The following AGMO variants were observed in gnomAD, a reference collection of about 807,000 sequenced individuals.
AGMO encodes glyceryl-ether monooxygenase.
A neutral mutation model predicts 60.2 loss-of-function variants in AGMO; 75 were observed. That is an observed-to-expected ratio of 1.25 (90% CI 1.03 to 1.51). The LOEUF (loss-of-function observed/expected upper bound fraction) is 1.51. Ranked by LOEUF, AGMO falls within the 40% of genes most tolerant of loss-of-function variation. The pLI, the probability that AGMO is intolerant of heterozygous loss-of-function variation, is 0.00. For missense variants in AGMO, 763 were observed against 525.5 expected, an observed-to-expected ratio of 1.45 and a Z score of -4.42; for synonymous variants, 261 against 177.1, an observed-to-expected ratio of 1.47 and a Z score of -3.76.
rs143371620 is a variant in AGMO, at chr7:15,561,754, T to C, written c.92A>G (p.Gln31Arg). ...ATAATCAGGCACCTCTTCTAATGTTTGGAATGAAGTTTCACTGGGTTTCAT... is the reference window on the plus strand; with the variant it reads ...ATAATCAGGCACCTCTTCTAATGTTCGGAATGAAGTTTCACTGGGTTTCAT... ...YTMKPSETSF[Q>R]TLEEVPDYVK... is the part of the protein sequence containing the mutation. The change falls in exon 1 of 13, where the codon CAA (glutamine) becomes CGA (arginine). Residue 31 changes from glutamine (Q) to arginine (R), a missense_variant. Gln to Arg is a conservative substitution (Grantham distance 43, BLOSUM62 1). Transcript: ENST00000342526. 2.6e-4 allele frequency: 424 copies of C among 1,612,010 alleles called. 1 individual carries two copies. The African/African-American group carries it at 5.2e-3, about 20-fold the overall frequency.
intron 12 of AGMO, among the ~76,000 whole-genome samples, chr7:15,291,341 C>A (rs1784257515): frequency 6.6e-6 from 1 of 152,074 alleles, no homozygotes; most frequent in African/African-American, 2.4e-5. Context: ...CGTTACGATT[C>A]TATAACAGAT....
chr7:15,521,947 C>G (rs1342935420), intron 3 of AGMO, among the ~76,000 whole-genome samples: 2 of 152,124 alleles, frequency 1.3e-5, no homozygotes, highest in Non-Finnish European at 2.9e-5. Flanking sequence ...ATTTAGAAAA[C>G]CCCATCATCT....
At chr7:15,252,061 T>A (rs534042015) in intron 12 of AGMO, among the ~76,000 whole-genome samples, 6 of 152,340 alleles carry the variant, frequency 3.9e-5, no homozygotes, top group African/African-American at 1.4e-4. Context: ...CATCTTTAGG[T>A]CTTTTCATGG....
chr7:15,157,094 T>C, the AGMO span, among the ~76,000 whole-genome samples: 1 of 152,174 alleles, frequency 6.6e-6, no homozygotes, highest in Non-Finnish European at 1.5e-5. Flanking sequence ...TGAATTGCGG[T>C]CTACTTTATT....
At chr7:15,361,127 G>A (rs773633891) in intron 12 of AGMO, among the ~76,000 whole-genome samples, 1 of 152,192 alleles carries the variant, frequency 6.6e-6, no homozygotes, top group African/African-American at 2.4e-5. Context: ...TAGAAGCAGC[G>A]TCTCTCCACA....
At chr7:15,133,099 T>G in the AGMO span, among the ~76,000 whole-genome samples, 1 of 152,188 alleles carries the variant, frequency 6.6e-6, no homozygotes, top group Non-Finnish European at 1.5e-5. Context: ...ACTTACTCCA[T>G]TTTATCTATA....
intron 12 of AGMO, among the ~76,000 whole-genome samples, chr7:15,341,610 T>C (rs1781850551): frequency 6.6e-6 from 1 of 152,204 alleles, no homozygotes; most frequent in Admixed American, 6.5e-5. Context: ...CCAAAGGTCC[T>C]TCCACATTTT....
At chr7:15,179,182 G>T in the AGMO span, among the ~76,000 whole-genome samples, 2 of 151,868 alleles carry the variant, frequency 1.3e-5, no homozygotes, top group African/African-American at 4.8e-5. Flanking sequence ...TCACAATAGG[G>T]GCCATAACAT....
chr7:15,546,987 C>T lies in AGMO; in HGVS notation c.258-2064G>A, dbSNP rs372591855. 2.6e-5 allele frequency among the ~76,000 whole-genome samples: 4 copies of T among 152,284 alleles called. No individual in the cohort carries two copies. In the East Asian group the frequency reaches 7.7e-4, roughly 29 times the overall value. On this transcript the variant is annotated intron_variant, in intron 2 of 12. Coordinates refer to ENST00000342526, the MANE Select transcript of AGMO (RefSeq NM_001004320.2). ...TAGTAAGGGTTACCCATATAAAATT[C>T]AAGTTTTAGGTTAAAAATGGCAAAT...
chr7:15,305,538 G>C (rs1443702813), intron 12 of AGMO, among the ~76,000 whole-genome samples: 1 of 151,906 alleles, frequency 6.6e-6, no homozygotes, highest in East Asian at 1.9e-4. Flanking sequence ...GTTACTTCCT[G>C]TGAGTCGAAT....
chr7:15,394,202 T>G, intron 5 of AGMO, 23 bp from the exon 6 acceptor site: 1 of 1,492,276 alleles, frequency 6.7e-7, no homozygotes, highest in East Asian at 2.3e-5. Context: ...GAAGGAATAT[T>G]TATACATGTA....
intron 12 of AGMO, among the ~76,000 whole-genome samples, chr7:15,205,290 G>GT (rs1371710785): frequency 1.3e-5 from 2 of 152,084 alleles, no homozygotes; most frequent in Non-Finnish European, 2.9e-5. Flanking sequence ...AGCCTTTGTG[G>GT]TAGTGATGAA....
chr7:15,195,648 ACTG>A (rs1274779926), downstream of AGMO, among the ~76,000 whole-genome samples: 2 of 152,196 alleles, frequency 1.3e-5, no homozygotes, highest in African/African-American at 4.8e-5. Context: ...TATTGGCACA[ACTG>A]CTGGCATTTA....
intron 12 of AGMO, among the ~76,000 whole-genome samples, chr7:15,304,426 C>G (rs1281629178): frequency 1.3e-5 from 2 of 151,970 alleles, no homozygotes; most frequent in Non-Finnish European, 2.9e-5. Flanking sequence ...TGGGTACAAT[C>G]TCAAATCTGT....
At chr7:15,198,073 T>C (rs1781164825), downstream of AGMO, among the ~76,000 whole-genome samples, 1 of 152,178 alleles carries the variant, frequency 6.6e-6, no homozygotes, top group Non-Finnish European at 1.5e-5. Context: ...AATGCTCCTT[T>C]CCTCTATCTT....
chr7:15,354,415 T>TGTATATAC (rs1782406573), intron 12 of AGMO, among the ~76,000 whole-genome samples: 2 of 23,092 alleles, frequency 8.7e-5, no homozygotes, highest in African/African-American at 1.0e-3. Flanking sequence ...TACACACGTG[T>TGTATATAC]GTGTATACAC....
intron 12 of AGMO, among the ~76,000 whole-genome samples, chr7:15,289,333 A>AT (rs1430647334): frequency 6.6e-6 from 1 of 151,982 alleles, no homozygotes; most frequent in East Asian, 1.9e-4. Context: ...AAATTTATGA[A>AT]TGTATGTATA....
At chr7:15,369,731 C>T (rs1783126048) in intron 10 of AGMO, among the ~76,000 whole-genome samples, 1 of 152,038 alleles carries the variant, frequency 6.6e-6, no homozygotes, top group South Asian at 2.1e-4. Flanking sequence ...GATGTAAACT[C>T]AATGAAAGTT....
Position 15,275,927 on chromosome 7 carries a change from G to A in AGMO, c.1264-74568C>T, listed in dbSNP as rs558644846. Among the ~76,000 whole-genome samples, 156 of 151,510 alleles carry A rather than the reference G, an allele frequency of 1.0e-3. 1 individual carries two copies. The highest frequency in any genetic ancestry group is 3.5e-3 in the African/African-American group (143 of 41,404). ...CACTTTCAGTCTGTGGGTTTCTTTC[G>A]TCATTAGGTAGTTTCTTGCTTGCAG... On this transcript the variant is annotated intron_variant, in intron 12 of 12. Transcript: ENST00000342526.
Sources: allele counts gnomAD v4.1 joint callset (sites outside exome capture counted in the v4.1 genomes callset), GRCh38; gene constraint gnomAD v4.1.1; transcripts MANE v1.5; gene names NCBI Gene and HGNC (gene_info 2026-07-23, HGNC 2026-07-21).